Variants in TBPL2 observed in about 807,000 individuals in gnomAD.
TBPL2 encodes TATA-box binding protein like 2, also known as TATA box-binding protein-like 2.
TBPL2 carries 40 observed loss-of-function variants against 38.2 expected under a neutral mutation model. The observed-to-expected ratio is 1.05, with a 90% CI of 0.81 to 1.36. The LOEUF (loss-of-function observed/expected upper bound fraction) is 1.36, where lower values mean the gene tolerates loss of function less well. Among genes scored for constraint, TBPL2 ranks in the 40% most tolerant of loss-of-function variants. The probability of loss-of-function intolerance (pLI) is 0.00; values close to 1 mark genes in which losing one functional copy is unlikely to be tolerated. For missense variants in TBPL2, 461 were observed against 456.7 expected (o/e 1.01, Z -0.09); for synonymous variants, 169 against 171.7 (o/e 0.98, Z 0.12).
At chr14:55,430,891 G>A (rs1885915262) in intron 4 of TBPL2, among the ~76,000 whole-genome samples, 1 of 152,166 alleles carries the variant, frequency 6.6e-6, no homozygotes, top group Admixed American at 6.5e-5. Flanking sequence ...ATGTAAATAA[G>A]TTCAAATTTG....
At chr14:55,436,529 TG>T (rs1175687804) in intron 2 of TBPL2, 31 bp downstream of exon 2, 1 of 1,571,268 alleles carries the variant, frequency 6.4e-7, no homozygotes, top group African/African-American at 1.4e-5. Context: ...GTGTACCCAA[TG>T]TGCTCAATTA....
intron 4 of TBPL2, among the ~76,000 whole-genome samples, chr14:55,432,663 C>A (rs1294884097): frequency 6.6e-6 from 1 of 152,100 alleles, no homozygotes; most frequent in East Asian, 1.9e-4. Context: ...ATCAATTTAG[C>A]AAATATAAAA....
chr14:55,429,240 C>G (rs1319444749), intron 4 of TBPL2, among the ~76,000 whole-genome samples: 1 of 152,194 alleles, frequency 6.6e-6, no homozygotes, highest in Non-Finnish European at 1.5e-5. Flanking sequence ...TTTACTTTTA[C>G]TTGGGTGTTA....
At chr14:55,416,443 AAAAT>A (rs1465901661) in intron 6 of TBPL2, among the ~76,000 whole-genome samples, 2 of 152,182 alleles carry the variant, frequency 1.3e-5, no homozygotes, top group Non-Finnish European at 1.5e-5. Flanking sequence ...ATAAAGGAAA[AAAAT>A]AAAAAGAGAA....
chr14:55,440,277 G>A, intron 1 of TBPL2, 119 bp downstream of exon 1: 1 of 1,302,822 alleles, frequency 7.7e-7, no homozygotes, highest in Non-Finnish European at 1.1e-6. Flanking sequence ...TAATGACTTG[G>A]GAAACCAAGC....
chr14:55,428,117 A>ATTT (rs1420262023), intron 5 of TBPL2, among the ~76,000 whole-genome samples: 5 of 48,332 alleles, frequency 1.0e-4, no homozygotes, highest in East Asian at 8.5e-4. Flanking sequence ...CACATGCCTT[A>ATTT]TCTTTTTTTT....
intron 6 of TBPL2, among the ~76,000 whole-genome samples, chr14:55,414,750 CAG>C (rs1253334272): frequency 6.6e-6 from 1 of 152,148 alleles, no homozygotes; most frequent in Non-Finnish European, 1.5e-5. Context: ...AATATGGCCT[CAG>C]AGTAATTTCA....
intron 4 of TBPL2, among the ~76,000 whole-genome samples, chr14:55,432,747 C>T (rs1885952149): frequency 6.6e-6 from 1 of 152,194 alleles, no homozygotes; most frequent in Non-Finnish European, 1.5e-5. Context: ...ATTGGCACAA[C>T]TTTTCAGGAG....
At chr14:55,418,490 C>T (rs954256986) in intron 6 of TBPL2, among the ~76,000 whole-genome samples, 13 of 152,086 alleles carry the variant, frequency 8.5e-5, no homozygotes, top group African/African-American at 2.9e-4. Flanking sequence ...AGCATTGCAC[C>T]GCTCAAGTTA....
intron 4 of TBPL2, among the ~76,000 whole-genome samples, chr14:55,429,327 C>A (rs1885885289): frequency 6.6e-6 from 1 of 152,360 alleles, no homozygotes; most frequent in Admixed American, 6.5e-5. Context: ...GTTAGAAATG[C>A]AAAGTCCCAG....
intron 5 of TBPL2, among the ~76,000 whole-genome samples, chr14:55,428,052 A>C (rs1885856939): frequency 7.3e-6 from 1 of 136,564 alleles, no homozygotes; most frequent in Non-Finnish European, 1.5e-5. Context: ...TCTTCTCCCC[A>C]ATCCATTCTC....
chr14:55,440,298 T>G (rs543869279), intron 1 of TBPL2, 98 bp downstream of exon 1: 67 of 1,437,684 alleles, frequency 4.7e-5, no homozygotes, highest in Non-Finnish European at 6.1e-5. Flanking sequence ...CCGCCTCTTA[T>G]GGTCGCTATG....
chr14:55,423,761 C>T (rs1261038018), intron 6 of TBPL2, among the ~76,000 whole-genome samples: 2 of 152,226 alleles, frequency 1.3e-5, no homozygotes, highest in East Asian at 3.8e-4. Context: ...GTAATTGTGA[C>T]AGACCCTGTG....
chr14:55,419,669 G>T (rs1193676227), intron 6 of TBPL2, among the ~76,000 whole-genome samples: 1 of 152,190 alleles, frequency 6.6e-6, no homozygotes, highest in East Asian at 1.9e-4. Flanking sequence ...CATGGTGGCT[G>T]TAGCTGTGGC....
chr14:55,420,075 T>C (rs1161379462), intron 6 of TBPL2, among the ~76,000 whole-genome samples: 1 of 152,148 alleles, frequency 6.6e-6, no homozygotes, highest in African/African-American at 2.4e-5. Flanking sequence ...TTTTTTTGTT[T>C]GTTTGTTTGT....
chr14:55,425,046 A>G (rs984941030), intron 5 of TBPL2, among the ~76,000 whole-genome samples: 2 of 152,254 alleles, frequency 1.3e-5, no homozygotes, highest in Non-Finnish European at 2.9e-5. Flanking sequence ...GCATCTTTGC[A>G]CTTAAAGGGT....
chr14:55,421,334 T>C (rs1885741841), intron 6 of TBPL2, among the ~76,000 whole-genome samples: 1 of 152,194 alleles, frequency 6.6e-6, no homozygotes, highest in South Asian at 2.1e-4. Context: ...CTAGGACATG[T>C]AGAGGTAAAC....
chr14:55,439,924 CTG>C (rs1269352899), intron 1 of TBPL2, among the ~76,000 whole-genome samples: 5 of 27,132 alleles, frequency 1.8e-4, no homozygotes, highest in Non-Finnish European at 3.2e-4. Context: ...GAGCGAGACT[CTG>C]TCTCAAAAAA....
At chr14:55,430,978 C>T (rs1415550695) in intron 4 of TBPL2, among the ~76,000 whole-genome samples, 1 of 152,198 alleles carries the variant, frequency 6.6e-6, no homozygotes, top group African/African-American at 2.4e-5. Context: ...TCTATTGAAA[C>T]AACTAATAGT....
Sources: gnomAD v4.1 joint callset for allele counts (sites outside exome capture counted in the v4.1 genomes callset) on GRCh38, gnomAD v4.1.1 for gene constraint, MANE v1.5 for transcripts, NCBI Gene and HGNC (gene_info 2026-07-23, HGNC 2026-07-21) for gene names.